Variants in SNX29 observed in about 807,000 individuals in gnomAD.
The protein encoded by SNX29 is sorting nexin-29.
Under a neutral mutation model 102.1 loss-of-function variants are expected in SNX29, and 78 were observed. That is an observed-to-expected ratio of 0.76 (90% CI 0.64 to 0.92). The LOEUF is 0.92. Ranked by LOEUF, SNX29 falls within the 40% of genes least tolerant of loss-of-function variation. The pLI is 0.00. For synonymous variants in SNX29, 580 were observed against 414.5 expected (o/e 1.40, Z -4.85); for missense variants, 1,280 against 1,061.7 (o/e 1.21, Z -2.86).
chr16:12,552,696 A>G (rs1184174448), intron 20 of SNX29, among the ~76,000 whole-genome samples: 1 of 152,178 alleles, frequency 6.6e-6, no homozygotes, highest in East Asian at 1.9e-4. Flanking sequence ...GGTCGGGGGA[A>G]GATTTAGATT....
intron 10 of SNX29, among the ~76,000 whole-genome samples, chr16:12,069,800 C>G (rs2151302874): frequency 6.6e-6 from 1 of 152,336 alleles, no homozygotes; most frequent in Non-Finnish European, 1.5e-5. Context: ...ACGCCATTCT[C>G]CTGCCTCAGC....
At chr16:12,205,155 T>A (rs1439473963) in intron 14 of SNX29, among the ~76,000 whole-genome samples, 1 of 152,212 alleles carries the variant, frequency 6.6e-6, no homozygotes, top group African/African-American at 2.4e-5. Context: ...TCAGGGGAGC[T>A]TGCAGGGTAA....
At chr16:12,350,904 T>C (rs930528792) in intron 15 of SNX29, among the ~76,000 whole-genome samples, 1 of 152,160 alleles carries the variant, frequency 6.6e-6, no homozygotes, top group African/African-American at 2.4e-5. Context: ...TCAGCTTGGG[T>C]TGGGAGCCAC....
intron 14 of SNX29, among the ~76,000 whole-genome samples, chr16:12,274,323 A>G (rs2079179916): frequency 6.6e-6 from 1 of 152,100 alleles, no homozygotes; most frequent in South Asian, 2.1e-4. Context: ...CCACTTCAGA[A>G]GTTGGTAGCC....
intron 4 of SNX29, 95 bp downstream of exon 4, chr16:12,027,539 G>A (rs1005473607): frequency 1.3e-5 from 20 of 1,485,900 alleles, no homozygotes; most frequent in African/African-American, 5.6e-5. Context: ...GGCAGTGATC[G>A]CGTGGGACTT....
chr16:12,221,643 A>T (rs1408825111), intron 14 of SNX29, among the ~76,000 whole-genome samples: 1 of 152,166 alleles, frequency 6.6e-6, no homozygotes, highest in Non-Finnish European at 1.5e-5. Flanking sequence ...GGATGAACAG[A>T]TGGGCTATTC....
At chr16:11,979,178 G>A (rs1389610134) in intron 1 of SNX29, among the ~76,000 whole-genome samples, 1 of 145,934 alleles carries the variant, frequency 6.9e-6, no homozygotes, top group Non-Finnish European at 1.5e-5. Context: ...GGGAGGCTGA[G>A]GGATGAGAAT....
intron 4 of SNX29, among the ~76,000 whole-genome samples, chr16:12,028,858 C>T (rs2057264197): frequency 1.3e-5 from 2 of 152,052 alleles, no homozygotes; most frequent in South Asian, 4.1e-4. Context: ...AGGCGATTCT[C>T]CTGCCTGAGC....
intron 19 of SNX29, among the ~76,000 whole-genome samples, chr16:12,487,519 C>T (rs1365891272): frequency 6.6e-6 from 1 of 152,134 alleles, no homozygotes; most frequent in Non-Finnish European, 1.5e-5. Context: ...AGTGCCGGAG[C>T]CAGGAATTGA....
intron 11 of SNX29, among the ~76,000 whole-genome samples, chr16:12,122,257 C>T (rs1016456105): frequency 3.3e-5 from 5 of 152,168 alleles, no homozygotes; most frequent in South Asian, 4.1e-4. Flanking sequence ...CCTTCCTTCG[C>T]GTCTCTTGTC....
chr16:12,156,795 G>T (rs573969748), intron 13 of SNX29, among the ~76,000 whole-genome samples: 47 of 152,352 alleles, frequency 3.1e-4, no homozygotes, highest in Non-Finnish European at 5.4e-4. Context: ...GAGAATGGGA[G>T]TGCAGGAGCC....
chr16:12,035,267 A>G (rs2151150175), intron 4 of SNX29, among the ~76,000 whole-genome samples: 1 of 147,192 alleles, frequency 6.8e-6, no homozygotes, highest in Middle Eastern at 3.6e-3. Context: ...GCTAGAGTGC[A>G]GTGGTGCAAT....
intron 14 of SNX29, among the ~76,000 whole-genome samples, chr16:12,239,609 C>T (rs528593963): frequency 7.7e-6 from 1 of 129,390 alleles, no homozygotes; most frequent in Non-Finnish European, 1.5e-5. Flanking sequence ...TGGAGAATCA[C>T]TTGAGGCAAG....
chr16:12,542,799 A>C (rs2077402075), intron 20 of SNX29, among the ~76,000 whole-genome samples: 1 of 151,930 alleles, frequency 6.6e-6, no homozygotes, highest in Non-Finnish European at 1.5e-5. Flanking sequence ...TAAATCAGCA[A>C]GTAAGTGAAG....
intron 20 of SNX29, among the ~76,000 whole-genome samples, chr16:12,539,856 A>G (rs959660432): frequency 1.3e-5 from 2 of 152,222 alleles, no homozygotes; most frequent in Non-Finnish European, 2.9e-5. Context: ...TAAGTGTCCA[A>G]GTATTTTGCC....
At chr16:12,423,036 A>AAC (rs774713122) in intron 18 of SNX29, among the ~76,000 whole-genome samples, 1 of 152,144 alleles carries the variant, frequency 6.6e-6, no homozygotes, top group Non-Finnish European at 1.5e-5. Flanking sequence ...GGAAGAAACA[A>AAC]ACACACACAC....
intron 10 of SNX29, among the ~76,000 whole-genome samples, chr16:12,078,614 C>G (rs2051705177): frequency 6.6e-6 from 1 of 152,154 alleles, no homozygotes; most frequent in Non-Finnish European, 1.5e-5. Context: ...GTGAAAGCAC[C>G]TCAAGTATTG....
At chr16:12,365,690 CCAA>C (rs928865304) in intron 16 of SNX29, among the ~76,000 whole-genome samples, 1 of 142,976 alleles carries the variant, frequency 7.0e-6, no homozygotes, top group African/African-American at 2.7e-5. Flanking sequence ...GACTCCATCT[CCAA>C]AAAAAAAAAA....
intron 14 of SNX29, among the ~76,000 whole-genome samples, chr16:12,230,834 ATG>A (rs1567336932): frequency 1.4e-4 from 15 of 106,930 alleles, no homozygotes; most frequent in African/African-American, 3.2e-4. Flanking sequence ...GTATGTATGT[ATG>A]TATGTATGTA....
Sources: gnomAD v4.1 joint callset for allele counts (sites outside exome capture counted in the v4.1 genomes callset) on GRCh38, gnomAD v4.1.1 for gene constraint, MANE v1.5 for transcripts, NCBI Gene and HGNC (gene_info 2026-07-23, HGNC 2026-07-21) for gene names.